Variants in ATE1 observed in about 807,000 individuals in gnomAD.
ATE1 encodes arginyltransferase 1.
ATE1 carries 36 observed loss-of-function variants against 70.5 expected under a neutral mutation model. The observed-to-expected ratio is 0.51, with a 90% CI of 0.39 to 0.67. ATE1 has a LOEUF of 0.67. ATE1 is among the 30% of genes least tolerant of loss of function. ATE1 has a pLI of 0.00. For synonymous variants in ATE1, 232 were observed against 219.3 expected (o/e 1.06, Z -0.51); for missense variants, 593 against 629.5 (o/e 0.94, Z 0.62).
intron 3 of ATE1, among the ~76,000 whole-genome samples, chr10:121,919,548 G>A (rs1459738951): frequency 6.6e-6 from 1 of 150,708 alleles, no homozygotes; most frequent in African/African-American, 2.4e-5. Context: ...GCGACAGCAA[G>A]ACTCCATCTC....
intron 10 of ATE1, among the ~76,000 whole-genome samples, chr10:121,793,355 G>A (rs1380624025): frequency 6.6e-6 from 1 of 152,148 alleles, no homozygotes; most frequent in Non-Finnish European, 1.5e-5. Context: ...AAATATTCTT[G>A]TACATATCAT....
intron 9 of ATE1, among the ~76,000 whole-genome samples, chr10:121,837,609 G>A (rs548768308): frequency 1.3e-5 from 2 of 152,158 alleles, no homozygotes; most frequent in East Asian, 3.9e-4. Context: ...TTTATTAGTA[G>A]CAATTGATGC....
intron 3 of ATE1, among the ~76,000 whole-genome samples, chr10:121,918,993 T>C (rs1179899975): frequency 2.6e-5 from 4 of 151,774 alleles, no homozygotes; most frequent in African/African-American, 4.8e-5. Context: ...CAGCACTCTA[T>C]AAAATGGACC....
chr10:121,828,512 G>T (rs1948113026), intron 10 of ATE1, among the ~76,000 whole-genome samples: 1 of 152,172 alleles, frequency 6.6e-6, no homozygotes, highest in South Asian at 2.1e-4. Context: ...CTCTTCAGCA[G>T]GGTACTATGA....
intron 8 of ATE1, among the ~76,000 whole-genome samples, chr10:121,857,296 C>A (rs1032368847): frequency 2.0e-4 from 31 of 152,172 alleles, no homozygotes; most frequent in African/African-American, 7.5e-4. Flanking sequence ...CCTCCACTGT[C>A]TACTGTTCCC....
At chr10:121,897,986 T>C (rs1320051126) in intron 7 of ATE1, among the ~76,000 whole-genome samples, 2 of 152,100 alleles carry the variant, frequency 1.3e-5, no homozygotes, top group African/African-American at 4.8e-5. Flanking sequence ...TTAACTCCTG[T>C]TGTATTAACC....
intron 3 of ATE1, among the ~76,000 whole-genome samples, chr10:121,914,175 T>C (rs981135645): frequency 1.3e-5 from 2 of 152,090 alleles, no homozygotes; most frequent in Admixed American, 6.6e-5. Context: ...CAAGTGATTC[T>C]CCTGCCTCAG....
rs574778132 is a variant in ATE1 at position 121,814,122 on chromosome 10, C to G, written c.1257+22596G>C. ...GCAAATCACTACAGGGCTGACAGATCAATCGTAAATCATACATACACTATA... is the reference window on the plus strand; with the variant it reads ...GCAAATCACTACAGGGCTGACAGATGAATCGTAAATCATACATACACTATA... On this transcript the variant is annotated intron_variant, in intron 10 of 11. Transcript: ENST00000224652. 2.2e-4 allele frequency among the ~76,000 whole-genome samples: 33 copies of G among 152,222 alleles called. No individual in the cohort carries two copies. In the South Asian group the frequency reaches 6.2e-3, roughly 29 times the overall value.
chr10:121,874,868 T>C (rs530166711), intron 7 of ATE1, among the ~76,000 whole-genome samples: 2 of 142,760 alleles, frequency 1.4e-5, no homozygotes, highest in African/African-American at 5.4e-5. Context: ...TAGCCAGGCG[T>C]GGTGGCTCAC....
chr10:121,807,611 TATTA>T (rs1446052127), intron 10 of ATE1, among the ~76,000 whole-genome samples: 1 of 152,204 alleles, frequency 6.6e-6, no homozygotes, highest in Non-Finnish European at 1.5e-5. Context: ...TTAGACTATT[TATTA>T]ATTTAGATAT....
chr10:121,923,801 TAAA>T (rs1301898947), intron 2 of ATE1, among the ~76,000 whole-genome samples: 1 of 152,168 alleles, frequency 6.6e-6, no homozygotes, highest in Non-Finnish European at 1.5e-5. Flanking sequence ...GAAAATCTAA[TAAA>T]AAGTAGGTAA....
chr10:121,834,686 T>C (rs1373229134), intron 10 of ATE1, among the ~76,000 whole-genome samples: 3 of 151,912 alleles, frequency 2.0e-5, no homozygotes, highest in Admixed American at 6.6e-5. Context: ...GATGAAACTA[T>C]ATTCAACATT....
chr10:121,759,602 T>C (rs550203859), intron 11 of ATE1, among the ~76,000 whole-genome samples: 3 of 151,776 alleles, frequency 2.0e-5, no homozygotes, highest in African/African-American at 4.8e-5. Flanking sequence ...CGGGCACCTG[T>C]AGTCCCAGCT....
At chr10:121,902,646 C>G (rs759459557) in intron 5 of ATE1, 26 bp from the exon 6 acceptor site, 7 of 1,559,814 alleles carry the variant, frequency 4.5e-6, no homozygotes, top group Non-Finnish European at 6.1e-6. Flanking sequence ...AAATATTAGA[C>G]CAATCACATT....
At chr10:121,822,284 A>G (rs1243698059) in intron 10 of ATE1, among the ~76,000 whole-genome samples, 1 of 152,222 alleles carries the variant, frequency 6.6e-6, no homozygotes, top group East Asian at 1.9e-4. Context: ...CCTATCAAAA[A>G]ACAAAGTACA....
At chr10:121,911,273 T>C in intron 4 of ATE1, 122 bp from the exon 5 acceptor site, 1 of 1,231,998 alleles carries the variant, frequency 8.1e-7, no homozygotes. Context: ...ACCAAATCCA[T>C]TCTCATCCTC....
At chr10:121,817,235 T>C (rs1947579021) in intron 10 of ATE1, among the ~76,000 whole-genome samples, 1 of 152,202 alleles carries the variant, frequency 6.6e-6, no homozygotes. Flanking sequence ...AAATCAGAGA[T>C]TGCTGCTTAA....
At chr10:121,867,206 A>C (rs1949693936) in intron 8 of ATE1, among the ~76,000 whole-genome samples, 1 of 152,194 alleles carries the variant, frequency 6.6e-6, no homozygotes, top group African/African-American at 2.4e-5. Flanking sequence ...GAAAGCAATA[A>C]AACAAGAAAA....
At chr10:121,860,697 T>A (rs1025615209) in intron 8 of ATE1, among the ~76,000 whole-genome samples, 1 of 152,234 alleles carries the variant, frequency 6.6e-6, no homozygotes, top group Non-Finnish European at 1.5e-5. Context: ...CAGGACGTTG[T>A]TATTTAAGTT....
Sources: gnomAD v4.1 joint callset for allele counts (sites outside exome capture counted in the v4.1 genomes callset) on GRCh38, gnomAD v4.1.1 for gene constraint, MANE v1.5 for transcripts, NCBI Gene and HGNC (gene_info 2026-07-23, HGNC 2026-07-21) for gene names.